Variants in HYKK observed in about 807,000 individuals in gnomAD.
HYKK encodes the protein hydroxylysine kinase.
HYKK carries 19 observed loss-of-function variants against 29.7 expected under a neutral mutation model. The ratio of observed to expected loss-of-function variants is 0.64; its 90% CI spans 0.45 to 0.94. HYKK has a LOEUF of 0.94. Ranked by LOEUF, HYKK falls within the 40% of genes least tolerant of loss-of-function variation. The probability of loss-of-function intolerance (pLI) is 0.00; values close to 1 mark genes in which losing one functional copy is unlikely to be tolerated. For missense variants in HYKK, 390 were observed against 443.4 expected, an observed-to-expected ratio of 0.88 and a Z score of 1.08; for synonymous variants, 152 against 158.1, an observed-to-expected ratio of 0.96 and a Z score of 0.29.
At chr15:78,519,909 C>T (rs952345262) in intron 3 of HYKK, among the ~76,000 whole-genome samples, 4 of 152,166 alleles carry the variant, frequency 2.6e-5, no homozygotes, top group Non-Finnish European at 2.9e-5. Context: ...CCTTTCCTTC[C>T]GCCCTATCTG....
intron 4 of HYKK, chr15:78,527,867 A>G: frequency 4.3e-6 from 2 of 463,200 alleles, no homozygotes; most frequent in South Asian, 9.4e-5. Flanking sequence ...ATGGTATCAC[A>G]CTGTGTATTA....
chr15:78,520,897 G>A (rs1388949109), intron 3 of HYKK, among the ~76,000 whole-genome samples: 1 of 151,558 alleles, frequency 6.6e-6, no homozygotes, highest in African/African-American at 2.4e-5. Context: ...CCCGGATGGG[G>A]CGGCTGGCCG....
intron 1 of HYKK, among the ~76,000 whole-genome samples, chr15:78,511,723 A>G (rs1309187533): frequency 1.2e-5 from 1 of 83,840 alleles, no homozygotes; most frequent in East Asian, 3.8e-4. Flanking sequence ...CCCTGTCTGA[A>G]AAAAATAAAA....
intron 1 of HYKK, among the ~76,000 whole-genome samples, chr15:78,510,317 G>A (rs1385490141): frequency 1.3e-5 from 2 of 151,656 alleles, no homozygotes; most frequent in African/African-American, 4.8e-5. Context: ...CTGAGTAGCT[G>A]GAATTATAGG....
intron 3 of HYKK, among the ~76,000 whole-genome samples, chr15:78,523,149 G>C (rs2052215398): frequency 6.6e-6 from 1 of 152,126 alleles, no homozygotes; most frequent in Admixed American, 6.6e-5. Flanking sequence ...CCTGAGACTG[G>C]GTAATCTATA....
chr15:78,526,910 GC>G (rs1225758428), intron 3 of HYKK, among the ~76,000 whole-genome samples: 4 of 152,122 alleles, frequency 2.6e-5, no homozygotes, highest in African/African-American at 7.2e-5. Flanking sequence ...CCAGTCTAGA[GC>G]AGGTAGTCTT....
At chr15:78,510,334 C>T (rs527473293) in intron 1 of HYKK, among the ~76,000 whole-genome samples, 27 of 151,880 alleles carry the variant, frequency 1.8e-4, no homozygotes, top group Admixed American at 2.6e-4. Flanking sequence ...TAGGCGCCGG[C>T]CACCATGCCC....
At chr15:78,522,339 A>G (rs7163730) in intron 3 of HYKK, among the ~76,000 whole-genome samples, 39,644 of 151,984 alleles carry the variant, frequency 0.26, 5,878 homozygotes, top group Admixed American at 0.46. Context: ...AACAAAAGAG[A>G]AGACTCCGGT....
intron 3 of HYKK, among the ~76,000 whole-genome samples, chr15:78,516,140 A>C (rs1278810912): frequency 6.6e-6 from 1 of 152,162 alleles, no homozygotes; most frequent in Non-Finnish European, 1.5e-5. Context: ...AATATAATGT[A>C]TGACAGGTAC....
At chr15:78,537,216 C>A, downstream of HYKK, 1 of 494,698 alleles carries the variant, frequency 2.0e-6, no homozygotes, top group Non-Finnish European at 3.8e-6. Context: ...TCTACCTATC[C>A]ATCCTTCCAT....
chr15:78,530,938 C>T (rs549244123), intron 4 of HYKK, among the ~76,000 whole-genome samples: 2 of 152,172 alleles, frequency 1.3e-5, no homozygotes, highest in South Asian at 4.2e-4. Context: ...GGCGTGATCT[C>T]GGCTCACTGC....
intron 4 of HYKK, 82 bp downstream of exon 4, chr15:78,527,645 T>C: frequency 1.3e-6 from 2 of 1,525,780 alleles, no homozygotes; most frequent in Non-Finnish European, 1.8e-6. Flanking sequence ...GGAGGTACAA[T>C]TTAGCTTTAT....
intron 4 of HYKK, among the ~76,000 whole-genome samples, chr15:78,529,439 A>T (rs1225400154): frequency 6.6e-6 from 1 of 152,226 alleles, no homozygotes; most frequent in Non-Finnish European, 1.5e-5. Flanking sequence ...AGGTCATAGG[A>T]CATGTCTATA....
At chr15:78,527,348 A>G (rs572764245) in intron 3 of HYKK, 32 bp from the exon 4 acceptor site, 4 of 1,606,854 alleles carry the variant, frequency 2.5e-6, no homozygotes, top group East Asian at 2.2e-5. Flanking sequence ...TTGCTCTGTC[A>G]AGAGACTAAG....
intron 4 of HYKK, among the ~76,000 whole-genome samples, chr15:78,532,022 T>C (rs1296388102): frequency 6.6e-6 from 1 of 152,236 alleles, no homozygotes; most frequent in Non-Finnish European, 1.5e-5. Flanking sequence ...AAAGTTAAAA[T>C]TATATACTTT....
intron 1 of HYKK, among the ~76,000 whole-genome samples, chr15:78,507,976 C>CCA (rs2052031121): frequency 2.0e-5 from 3 of 152,142 alleles, no homozygotes; most frequent in Admixed American, 2.0e-4. Context: ...GCTGTGCCGG[C>CCA]GCCTGGCCGG....
At chr15:78,528,799 T>TC (rs1272090467) in intron 4 of HYKK, 37 of 804,458 alleles carry the variant, frequency 4.6e-5, no homozygotes, top group Non-Finnish European at 5.5e-5. Context: ...GAAATCCGTC[T>TC]CCAAAAAAAA....
rs2052328989 is a variant in HYKK at position 78,533,249 on chromosome 15, T to C, written c.701T>C (p.Ile234Thr). ...GATCTTAATGACCATAATATTTTAA[T>C]AGAGTCCAGCAAGTCAGCCTCTGGA... ...HGDLNDHNIL[I>T]ESSKSASGNA... Residue 234 changes from isoleucine (I) to threonine (T), a missense_variant, in exon 5 of 5, where the codon ATA becomes ACA. Physicochemically the swap from Ile to Thr is moderately conservative, Grantham distance 89. Coordinates refer to ENST00000388988, the MANE Select transcript of HYKK (RefSeq NM_001013619.4). 2 of 1,613,018 alleles carry C rather than the reference T, an allele frequency of 1.2e-6. No homozygotes were observed. The highest frequency in any genetic ancestry group is 1.1e-5 in the South Asian group (1 of 91,000).
At chr15:78,509,622 T>C (rs2052051195) in intron 1 of HYKK, among the ~76,000 whole-genome samples, 1 of 152,222 alleles carries the variant, frequency 6.6e-6, no homozygotes. Flanking sequence ...CTCCAGGATT[T>C]CATCTTGGAG....
Sources: allele counts gnomAD v4.1 joint callset (sites outside exome capture counted in the v4.1 genomes callset), GRCh38; gene constraint gnomAD v4.1.1; transcripts MANE v1.5; gene names NCBI Gene and HGNC (gene_info 2026-07-23, HGNC 2026-07-21).